The following SGCZ variants were observed in gnomAD, a reference collection of about 807,000 sequenced individuals.
SGCZ encodes the protein zeta-sarcoglycan.
A neutral mutation model predicts 41.3 loss-of-function variants in SGCZ; 40 were observed. That is an observed-to-expected ratio of 0.97 (90% confidence interval 0.75 to 1.26). The LOEUF is 1.26. SGCZ is among the 50% of genes most tolerant of loss of function. The pLI is 0.00. For missense variants in SGCZ, 552 were observed against 369.8 expected (o/e 1.49, Z -4.04); for synonymous variants, 206 against 137.5 (o/e 1.50, Z -3.49).
intron 1 of SGCZ, among the ~76,000 whole-genome samples, chr8:14,890,179 T>C (rs1804959947): frequency 6.7e-6 from 1 of 148,804 alleles, no homozygotes; most frequent in African/African-American, 2.5e-5. Context: ...ATTGCACCAC[T>C]GCACTCCAGC....
chr8:14,269,859 A>G (rs1171449515), intron 3 of SGCZ, among the ~76,000 whole-genome samples: 1 of 152,182 alleles, frequency 6.6e-6, no homozygotes, highest in Non-Finnish European at 1.5e-5. Flanking sequence ...ATTTTGAGAA[A>G]GAATGTGTGC....
Position 14,781,249 on chromosome 8 carries a change from T to A in SGCZ, c.40-226323A>T, listed in dbSNP as rs1219284698. Among the ~76,000 whole-genome samples, 3 of 152,324 alleles carry A rather than the reference T, an allele frequency of 2.0e-5. No homozygotes were observed. In the South Asian group the frequency reaches 6.2e-4, roughly 32 times the overall value. On this transcript the variant is annotated intron_variant, in intron 1 of 7. Coordinates refer to ENST00000382080, the MANE Select transcript of SGCZ (RefSeq NM_139167.4). ...ATATAATTACTGTTTTTTTCTTCTT[T>A]GAGACAAGGTCTCATTGTGTCACCC...
intron 5 of SGCZ, among the ~76,000 whole-genome samples, chr8:14,112,291 G>GA (rs1233914462): frequency 6.7e-6 from 1 of 149,512 alleles, no homozygotes; most frequent in Non-Finnish European, 1.5e-5. Flanking sequence ...TGTGGGGGGG[G>GA]GGTGCAAAGA....
intron 1 of SGCZ, among the ~76,000 whole-genome samples, chr8:15,219,991 T>C (rs143259499): frequency 2.6e-5 from 4 of 152,298 alleles, no homozygotes; most frequent in African/African-American, 9.6e-5. Context: ...ACATAATTCT[T>C]AAAAATGGTA....
chr8:14,247,889 A>G (rs961392651), intron 3 of SGCZ, among the ~76,000 whole-genome samples: 1 of 152,164 alleles, frequency 6.6e-6, no homozygotes, highest in Non-Finnish European at 1.5e-5. Flanking sequence ...GAATTTAGAC[A>G]TTGTGTCTTA....
At chr8:14,211,267 G>C (rs554998986) in intron 4 of SGCZ, among the ~76,000 whole-genome samples, 1 of 152,084 alleles carries the variant, frequency 6.6e-6, no homozygotes, top group Non-Finnish European at 1.5e-5. Flanking sequence ...AGTCATCCCA[G>C]TGTCCGGGTA....
chr8:14,388,347 A>G (rs1804645872), intron 2 of SGCZ, among the ~76,000 whole-genome samples: 1 of 152,120 alleles, frequency 6.6e-6, no homozygotes. Flanking sequence ...ACACCCAGAG[A>G]AAAGAGAATT....
At chr8:14,787,383 T>A (rs1015965134) in intron 1 of SGCZ, among the ~76,000 whole-genome samples, 8 of 152,056 alleles carry the variant, frequency 5.3e-5, no homozygotes, top group African/African-American at 1.4e-4. Flanking sequence ...ATACTTAATA[T>A]ACTTGGTAAA....
At chr8:14,176,024 G>C (rs1436696743) in intron 4 of SGCZ, among the ~76,000 whole-genome samples, 3 of 152,038 alleles carry the variant, frequency 2.0e-5, no homozygotes, top group Non-Finnish European at 4.4e-5. Flanking sequence ...GCATCATTAT[G>C]AATGTATGAT....
chr8:14,437,414 C>T (rs997604773), intron 2 of SGCZ, among the ~76,000 whole-genome samples: 3 of 152,214 alleles, frequency 2.0e-5, no homozygotes, highest in African/African-American at 7.2e-5. Context: ...TCAAACAAAA[C>T]ATCATATTGC....
At chr8:14,902,625 T>C (rs775967217) in intron 1 of SGCZ, among the ~76,000 whole-genome samples, 12 of 152,164 alleles carry the variant, frequency 7.9e-5, no homozygotes, top group Non-Finnish European at 1.2e-4. Flanking sequence ...GTGAATACTA[T>C]GCCAGCCTCT....
intron 1 of SGCZ, among the ~76,000 whole-genome samples, chr8:15,033,667 C>A (rs1379926490): frequency 6.6e-6 from 1 of 152,082 alleles, no homozygotes; most frequent in Non-Finnish European, 1.5e-5. Flanking sequence ...TCCCAGTGGA[C>A]CTAGGCATAA....
intron 1 of SGCZ, among the ~76,000 whole-genome samples, chr8:15,160,687 T>G (rs1478762535): frequency 4.6e-5 from 7 of 152,232 alleles, no homozygotes; most frequent in Admixed American, 4.6e-4. Context: ...AAGTGTTCAG[T>G]AGGCATATGA....
chr8:14,304,561 C>A (rs1050912225), intron 3 of SGCZ, among the ~76,000 whole-genome samples: 58 of 152,148 alleles, frequency 3.8e-4, no homozygotes, highest in African/African-American at 1.2e-3. Flanking sequence ...CAACTGCAAT[C>A]CAGCCTGGGC....
intron 1 of SGCZ, among the ~76,000 whole-genome samples, chr8:14,743,399 C>T (rs1402283109): frequency 6.6e-6 from 1 of 151,940 alleles, no homozygotes; most frequent in African/African-American, 2.4e-5. Context: ...AATATTAAAT[C>T]ACTAATGGAA....
intron 2 of SGCZ, among the ~76,000 whole-genome samples, chr8:14,401,917 G>A (rs1799087880): frequency 6.6e-6 from 1 of 150,614 alleles, no homozygotes; most frequent in Non-Finnish European, 1.5e-5. Flanking sequence ...GTGTAAAAGT[G>A]TTCCTATTTC....
chr8:14,406,849 G>C (rs1479137218), intron 2 of SGCZ, among the ~76,000 whole-genome samples: 1 of 152,096 alleles, frequency 6.6e-6, no homozygotes, highest in Non-Finnish European at 1.5e-5. Flanking sequence ...ATGCAGTTCT[G>C]TGAAAACTGC....
At chr8:14,749,298 G>T (rs1001118166) in intron 1 of SGCZ, among the ~76,000 whole-genome samples, 4 of 152,136 alleles carry the variant, frequency 2.6e-5, no homozygotes, top group Non-Finnish European at 5.9e-5. Context: ...AGAGTTCCCT[G>T]CTCTGTTTCC....
In SGCZ at chr8:14,233,591, A is replaced by AATAT. The variant is rs749854594; in HGVS notation, c.424+3997_424+4000dup. ...CCATAAAGATTTTTATTCTATATAA[A>AATAT]ATATAGATATATATATATATTCTAT... On this transcript the variant is annotated intron_variant, in intron 4 of 7. Coordinates refer to ENST00000382080, the MANE Select transcript of SGCZ (RefSeq NM_139167.4). Among the ~76,000 whole-genome samples, 250 of 127,554 alleles carry AATAT rather than the reference A, an allele frequency of 2.0e-3. 2 individuals carry two copies. The highest frequency in any genetic ancestry group is 0.013 in the East Asian group (50 of 3,824). The allele number at this position is 127,554 out of a possible 152,430, so 83.7% of individuals were successfully genotyped here.
Sources: allele counts gnomAD v4.1 joint callset (sites outside exome capture counted in the v4.1 genomes callset), GRCh38; gene constraint gnomAD v4.1.1; transcripts MANE v1.5; gene names NCBI Gene and HGNC (gene_info 2026-07-23, HGNC 2026-07-21).